Variants in TLN2 observed in about 807,000 individuals in gnomAD.
TLN2 encodes the protein talin 2, also known as talin-2.
Under a neutral mutation model 294.7 loss-of-function variants are expected in TLN2, and 118 were observed. The ratio of observed to expected loss-of-function variants is 0.40; its 90% CI spans 0.34 to 0.47. TLN2 has a LOEUF of 0.47. TLN2 is among the 20% of genes least tolerant of loss of function. TLN2 has a pLI of 0.84. For missense variants in TLN2, 3,083 were observed against 3,282.2 expected (o/e 0.94, Z 1.48); for synonymous variants, 1,431 against 1,304.5 (o/e 1.10, Z -2.09).
intron 1 of TLN2, among the ~76,000 whole-genome samples, chr15:62,486,438 G>A (rs1306178113): frequency 6.8e-6 from 1 of 147,378 alleles, no homozygotes; most frequent in Non-Finnish European, 1.5e-5. Context: ...CTTTTAATCA[G>A]GAACAGTTCC....
intron 1 of TLN2, among the ~76,000 whole-genome samples, chr15:62,565,141 T>G (rs890861777): frequency 2.6e-5 from 4 of 151,924 alleles, no homozygotes; most frequent in African/African-American, 4.8e-5. Context: ...GCATGCTGGG[T>G]GAAGTCCCAG....
intron 43 of TLN2, among the ~76,000 whole-genome samples, chr15:62,779,619 A>G (rs2063974015): frequency 6.6e-6 from 1 of 152,232 alleles, no homozygotes; most frequent in Non-Finnish European, 1.5e-5. Context: ...CAGCTCCAGC[A>G]TCCTGGCATG....
intron 14 of TLN2, 116 bp from the exon 15 acceptor site, chr15:62,697,572 C>G: frequency 4.3e-6 from 5 of 1,152,064 alleles, no homozygotes; most frequent in Non-Finnish European, 6.1e-6. Context: ...GTATGTGCCT[C>G]TTTTAGTTGG....
chr15:62,487,137 G>T (rs933386318), intron 1 of TLN2, among the ~76,000 whole-genome samples: 1 of 152,210 alleles, frequency 6.6e-6, no homozygotes, highest in African/African-American at 2.4e-5. Context: ...TGACAGTTCT[G>T]TCAATGCTGA....
chr15:62,442,781 A>C (rs1190981361), intron 1 of TLN2, among the ~76,000 whole-genome samples: 2 of 152,232 alleles, frequency 1.3e-5, no homozygotes, highest in African/African-American at 2.4e-5. Context: ...AAAGCAACAC[A>C]CATTTATTAA....
At chr15:62,459,218 T>G (rs960527417) in intron 1 of TLN2, among the ~76,000 whole-genome samples, 4 of 151,754 alleles carry the variant, frequency 2.6e-5, no homozygotes, top group Non-Finnish European at 5.9e-5. Flanking sequence ...GCCAGGGTGG[T>G]CTCGATCTCT....
chr15:62,521,834 G>A (rs1234841641), intron 1 of TLN2, among the ~76,000 whole-genome samples: 1 of 152,126 alleles, frequency 6.6e-6, no homozygotes, highest in Non-Finnish European at 1.5e-5. Flanking sequence ...TATATGTCAA[G>A]GAAATATATT....
At chr15:62,673,777 C>G in intron 9 of TLN2, 50 bp from the exon 10 acceptor site, 1 of 1,436,506 alleles carries the variant, frequency 7.0e-7, no homozygotes, top group Non-Finnish European at 9.7e-7. Flanking sequence ...CTTTGCTTCT[C>G]ATCATGGAAC....
In TLN2 at chr15:62,705,282, C is replaced by T. The variant is rs540942626; in HGVS notation, c.2005-1804C>T. 4.3e-4 allele frequency among the ~76,000 whole-genome samples: 65 copies of T among 152,346 alleles called. 1 individual carries two copies. Among genetic ancestry groups the T allele is most frequent in the Non-Finnish European group, 8.4e-4 (57 of 68,040 alleles). ...AGTAAGGTGATCCTGCAACCTCCTC[C>T]AGTTATGGGTAACTGACATTGGATT... On this transcript the variant is annotated intron_variant, in intron 19 of 58. Transcript: ENST00000636159.
intron 1 of TLN2, among the ~76,000 whole-genome samples, chr15:62,541,575 T>C (rs575156735): frequency 1.3e-5 from 2 of 152,114 alleles, no homozygotes; most frequent in Non-Finnish European, 2.9e-5. Flanking sequence ...CCCCACTGGA[T>C]TGAACCTTGT....
intron 1 of TLN2, among the ~76,000 whole-genome samples, chr15:62,581,033 A>G (rs111928124): frequency 0.41 from 61,748 of 151,646 alleles, 12,825 homozygotes; most frequent in Middle Eastern, 0.47. Context: ...ACAGGCGCCC[A>G]CCACCATGCC....
chr15:62,633,272 C>T (rs746156672), intron 3 of TLN2, among the ~76,000 whole-genome samples: 3 of 152,222 alleles, frequency 2.0e-5, no homozygotes, highest in African/African-American at 2.4e-5. Context: ...CCCTTGCCTA[C>T]ACCAGCACCT....
chr15:62,648,545 ATTTTT>A (rs749151123), intron 4 of TLN2, among the ~76,000 whole-genome samples: 5 of 120,654 alleles, frequency 4.1e-5, no homozygotes, highest in Non-Finnish European at 6.6e-5. Context: ...GATGATGACG[ATTTTT>A]TTTTTTTTTT....
Position 62,736,865 on chromosome 15 carries a change from C to G in TLN2, c.3359-13C>G. The G allele has an allele frequency of 6.2e-7, 1 of 1,611,396 alleles. No homozygotes were observed. The highest frequency in any genetic ancestry group is 8.5e-7 in the Non-Finnish European group (1 of 1,178,210). ...GGAGTCTAATTGGAAATCTGATGGA[C>G]TTTTTCCCCCAGGGGTGGCTGCTAG... On this transcript the variant is annotated splice_polypyrimidine_tract_variant and intron_variant, in intron 28 of 58. Coordinates refer to ENST00000636159, the MANE Select transcript of TLN2 (RefSeq NM_015059.3).
Position 62,712,060 on chromosome 15 carries a change from A to G in TLN2, c.2617A>G (p.Met873Val), listed in dbSNP as rs2059460701. The G allele has an allele frequency of 6.2e-7, 1 of 1,614,104 alleles. No homozygotes were observed. The highest frequency in any genetic ancestry group is 8.5e-7 in the Non-Finnish European group (1 of 1,179,966). Residue 873 changes from methionine (M) to valine (V), a missense_variant, in exon 22 of 59, where the codon ATG (methionine) becomes GTG (valine). Physicochemically the swap from Met to Val is conservative, Grantham distance 21 (BLOSUM62 1). Coordinates refer to ENST00000636159, the MANE Select transcript of TLN2 (RefSeq NM_015059.3). ...AKLLADSTAR[M>V]VEAAKGAAAN... ...ACTCTTAGCTGACTCCACTGCTCGC[A>G]TGGTGGAAGCTGCAAAGGTATTCTA... is the stretch of plus-strand genomic sequence containing the variant.
At chr15:62,709,994 C>T (rs1176298118) in intron 21 of TLN2, among the ~76,000 whole-genome samples, 1 of 152,226 alleles carries the variant, frequency 6.6e-6, no homozygotes, top group Non-Finnish European at 1.5e-5. Flanking sequence ...CTCAGCCTCC[C>T]AAAGTGCTGG....
In TLN2 at chr15:62,580,766, C is replaced by A. The variant is rs925683648; in HGVS notation, c.-237-8921C>A. 4.6e-5 allele frequency among the ~76,000 whole-genome samples: 7 copies of A among 152,014 alleles called. No homozygotes were observed. The East Asian group carries it at 1.3e-3, about 29-fold the overall frequency. On this transcript the variant is annotated intron_variant, in intron 1 of 58. Transcript: ENST00000636159. ...TGATTTGGAAAAATGTAGAATGATA[C>A]ACATCCACCTTTATAGTATCATGCA...
intron 1 of TLN2, among the ~76,000 whole-genome samples, chr15:62,398,940 C>T (rs1038990392): frequency 7.9e-5 from 12 of 152,194 alleles, no homozygotes; most frequent in East Asian, 7.7e-4. Context: ...ATCTCAGGCC[C>T]GGAGGCCTAG....
At chr15:62,547,432 C>T (rs942293326) in intron 1 of TLN2, among the ~76,000 whole-genome samples, 1 of 152,168 alleles carries the variant, frequency 6.6e-6, no homozygotes, top group African/African-American at 2.4e-5. Context: ...CCTGCATGAC[C>T]CCTCAACTTA....
Sources: gnomAD v4.1 joint callset for allele counts (sites outside exome capture counted in the v4.1 genomes callset) on GRCh38, gnomAD v4.1.1 for gene constraint, MANE v1.5 for transcripts, NCBI Gene and HGNC (gene_info 2026-07-23, HGNC 2026-07-21) for gene names.